GALNT5: variants seen among roughly 807,000 people sequenced by gnomAD.
GALNT5 encodes UDP-GalNAc:polypeptide N-acetylgalactosaminyltransferase 5.
GALNT5 carries 72 observed loss-of-function variants against 85.4 expected under a neutral mutation model. That is an observed-to-expected ratio of 0.84 (90% CI 0.70 to 1.03). The LOEUF (loss-of-function observed/expected upper bound fraction) is 1.03, where lower values mean the gene tolerates loss of function less well. GALNT5 is among the 50% of genes least tolerant of loss of function. The pLI is 0.00. For missense variants in GALNT5, 1,137 were observed against 1,135.5 expected (o/e 1.00, Z -0.02); for synonymous variants, 404 against 397.0 (o/e 1.02, Z -0.21).
chr2:157,311,212 A>T lies in GALNT5; in HGVS notation c.2687A>T (p.Asn896Ile), dbSNP rs1259266812. 1 of 1,609,742 alleles carries T rather than the reference A, an allele frequency of 6.2e-7. No homozygotes were observed. The highest frequency in any genetic ancestry group is 1.3e-5 in the African/African-American group (1 of 74,730). The change falls in exon 10 of 10, where the codon AAT (asparagine) becomes ATT (isoleucine). Residue 896 changes from asparagine to isoleucine, a missense_variant. Asn to Ile is a moderately radical substitution (Grantham distance 149, BLOSUM62 -3). Transcript: ENST00000259056. Reference sequence around the variant, plus strand: ...CCAGCTCTTCTTTCTCTCCAGGTGAATCACATTGTTTTTGAAAACAATCAG... The same window carrying T: ...CCAGCTCTTCTTTCTCTCCAGGTGATTCACATTGTTTTTGAAAACAATCAG... ...STSVFHPELVNHIVFENNQQL... is the reference protein window; with the variant it reads ...STSVFHPELVIHIVFENNQQL...
At chr2:157,270,806 T>A (rs760378978) in intron 1 of GALNT5, among the ~76,000 whole-genome samples, 17 of 152,098 alleles carry the variant, frequency 1.1e-4, no homozygotes, top group Non-Finnish European at 1.9e-4. Flanking sequence ...TAGAGAATAA[T>A]AAAAGAATAG....
chr2:157,317,505 A>C lies in GALNT5; in HGVS notation c.*6157A>C, dbSNP rs1683741664. Among the ~76,000 whole-genome samples the C allele has an allele frequency of 6.6e-6, 1 of 152,258 alleles. No homozygotes were observed. Among genetic ancestry groups the C allele is most frequent in the African/African-American group, 2.4e-5 (1 of 41,576 alleles). On this transcript the variant is annotated 3_prime_UTR_variant, in exon 10 of 10. Coordinates refer to ENST00000259056, the MANE Select transcript of GALNT5 (RefSeq NM_014568.3). ...GTTTTATACATATTAGCTTAAAAAC[A>C]AGAGAAGCCAAAGATTAAGTAAGTG...
chr2:157,304,768 T>C (rs1243391145), intron 7 of GALNT5, among the ~76,000 whole-genome samples: 2 of 152,222 alleles, frequency 1.3e-5, no homozygotes, highest in East Asian at 1.9e-4. Flanking sequence ...CCTTACTTTC[T>C]TGTTCACTAA....
Position 157,258,862 on chromosome 2 carries a change from T to G in GALNT5, c.780T>G (p.Thr260=). ...GEAMALNKTK[T]QSKEVNANKH... ...CCATGGCCTTAAACAAAACTAAGAC[T>G]CAGAGCAAAGAAGTCAATGCAAATA... The change falls in exon 1 of 10, where the codon ACT becomes ACG. Residue 260 remains threonine (T), a synonymous_variant. Coordinates refer to ENST00000259056, the MANE Select transcript of GALNT5 (RefSeq NM_014568.3). 8 of 1,574,418 alleles carry G rather than the reference T, an allele frequency of 5.1e-6. No homozygotes were observed. The highest frequency in any genetic ancestry group is 1.4e-5 in the African/African-American group (1 of 73,372).
intron 8 of GALNT5, among the ~76,000 whole-genome samples, chr2:157,307,817 G>A (rs1403393573): frequency 6.6e-6 from 1 of 152,102 alleles, no homozygotes; most frequent in Non-Finnish European, 1.5e-5. Flanking sequence ...ATTTCCCACA[G>A]ACCCAGAGCA....
Position 157,277,107 on chromosome 2 carries a change from T to A in GALNT5, c.1455-7175T>A, listed in dbSNP as rs796726580. 3.0e-4 allele frequency among the ~76,000 whole-genome samples: 45 copies of A among 152,324 alleles called. 1 individual carries two copies. The highest frequency in any genetic ancestry group is 1.1e-3 in the African/African-American group (44 of 41,568). ...CAGTGGTCATTCAGGAGCAGGTTGT[T>A]CAGTCTCCATGTAGTTGTGCAGTTT... On this transcript the variant is annotated intron_variant, in intron 1 of 9. Coordinates refer to ENST00000259056, the MANE Select transcript of GALNT5 (RefSeq NM_014568.3).
intron 1 of GALNT5, among the ~76,000 whole-genome samples, chr2:157,263,846 C>T (rs1010804650): frequency 2.6e-5 from 4 of 152,120 alleles, no homozygotes; most frequent in Admixed American, 1.3e-4. Flanking sequence ...TGATTTAAGG[C>T]AAATACATTC....
chr2:157,290,994 A>T (rs1467630915), intron 3 of GALNT5, among the ~76,000 whole-genome samples: 3 of 152,148 alleles, frequency 2.0e-5, no homozygotes, highest in Admixed American at 2.0e-4. Context: ...GCTTGCTGTG[A>T]ATGAGGAGGT....
rs1481458651 is a variant in GALNT5 at position 157,284,359 on chromosome 2, C to T, written c.1532C>T (p.Thr511Ile). Reference protein sequence around the residue: ...IMCFVDEVWSTLLRSVHSVIN... With the variant: ...IMCFVDEVWSILLRSVHSVIN... ...TGCTTTGTGGATGAAGTGTGGTCCA[C>T]TCTCCTGAGATCTGTTCACAGTGTC... The change falls in exon 2 of 10, where the codon ACT becomes ATT. Residue 511 changes from threonine to isoleucine, a missense_variant. Thr to Ile is a moderately conservative substitution (Grantham distance 89, BLOSUM62 -1). Transcript: ENST00000259056. The T allele has an allele frequency of 1.2e-6, 2 of 1,613,706 alleles. No individual in the cohort carries two copies. The highest frequency in any genetic ancestry group is 1.3e-5 in the African/African-American group (1 of 74,936).
chr2:157,272,226 T>C (rs776134896), intron 1 of GALNT5, among the ~76,000 whole-genome samples: 1 of 152,174 alleles, frequency 6.6e-6, no homozygotes, highest in Non-Finnish European at 1.5e-5. Context: ...ATTCTGTCCA[T>C]GTCTACTCAA....
intron 8 of GALNT5, among the ~76,000 whole-genome samples, chr2:157,306,873 A>C (rs1404735739): frequency 6.6e-6 from 1 of 152,244 alleles, no homozygotes; most frequent in African/African-American, 2.4e-5. Context: ...AAAGGAGTCA[A>C]AGGGAAGTGA....
intron 7 of GALNT5, among the ~76,000 whole-genome samples, chr2:157,304,916 C>A (rs1325633768): frequency 6.6e-6 from 1 of 152,142 alleles, no homozygotes; most frequent in African/African-American, 2.4e-5. Flanking sequence ...AGGAAGGACA[C>A]AAATAGTGTC....
chr2:157,262,072 C>T (rs1682353546), intron 1 of GALNT5, among the ~76,000 whole-genome samples: 1 of 152,040 alleles, frequency 6.6e-6, no homozygotes, highest in Non-Finnish European at 1.5e-5. Context: ...CTACTGCAAC[C>T]TTTAAATTTT....
At chr2:157,297,512 T>C (rs966555765) in intron 5 of GALNT5, among the ~76,000 whole-genome samples, 9 of 152,200 alleles carry the variant, frequency 5.9e-5, no homozygotes, top group Non-Finnish European at 1.2e-4. Flanking sequence ...ATTACCTGGA[T>C]TTAACACTCT....
intron 3 of GALNT5, among the ~76,000 whole-genome samples, chr2:157,291,952 A>AT (rs1314795176): frequency 2.6e-5 from 4 of 152,206 alleles, no homozygotes; most frequent in Non-Finnish European, 4.4e-5. Context: ...AATTACCCTG[A>AT]TTTGATCACT....
In GALNT5 at chr2:157,318,121, T is replaced by C. The variant is rs1482525011; in HGVS notation, c.*6773T>C. ...ACTGTCAAACATATTTCTTCTTTAT[T>C]ATACTCTGGTGCTTTATCCTTCTCC... is the stretch of plus-strand genomic sequence containing the variant. On this transcript the variant is annotated 3_prime_UTR_variant, in exon 10 of 10. Coordinates refer to ENST00000259056, the MANE Select transcript of GALNT5 (RefSeq NM_014568.3). Among the ~76,000 whole-genome samples, 2 of 152,166 alleles carry C rather than the reference T, an allele frequency of 1.3e-5. No homozygotes were observed. The highest frequency in any genetic ancestry group is 3.8e-4 in the East Asian group (2 of 5,198).
In GALNT5 at chr2:157,314,805, C is replaced by T. The variant is rs1237191886; in HGVS notation, c.*3457C>T. Among the ~76,000 whole-genome samples, 1 of 152,096 alleles carries T rather than the reference C, an allele frequency of 6.6e-6. No individual in the cohort carries two copies. The highest frequency in any genetic ancestry group is 1.9e-4 in the East Asian group (1 of 5,194). On this transcript the variant is annotated 3_prime_UTR_variant, in exon 10 of 10. Coordinates refer to ENST00000259056, the MANE Select transcript of GALNT5 (RefSeq NM_014568.3). The stretch of plus-strand genomic sequence containing the variant: ...CAAGAAAAAAAATTTACCAACCAGG[C>T]GCAGTGGCTCACACCTGTAATCCTA...
intron 1 of GALNT5, among the ~76,000 whole-genome samples, chr2:157,280,238 A>T (rs1486563014): frequency 6.6e-6 from 1 of 152,238 alleles, no homozygotes; most frequent in Non-Finnish European, 1.5e-5. Context: ...CTGAAGCAAG[A>T]GATGTGATGA....
intron 3 of GALNT5, among the ~76,000 whole-genome samples, chr2:157,287,550 A>G (rs972784105): frequency 6.6e-6 from 1 of 152,146 alleles, no homozygotes; most frequent in Admixed American, 6.5e-5. Flanking sequence ...GAGCTTCTTC[A>G]AGCCTGTGCC....
Sources: allele counts gnomAD v4.1 joint callset (sites outside exome capture counted in the v4.1 genomes callset), GRCh38; gene constraint gnomAD v4.1.1; transcripts MANE v1.5; gene names NCBI Gene and HGNC (gene_info 2026-07-23, HGNC 2026-07-21).